Variants in MPHOSPH8 observed in about 807,000 individuals in gnomAD.
MPHOSPH8 encodes the protein M-phase phosphoprotein, mpp.
MPHOSPH8 carries 45 observed loss-of-function variants against 87.3 expected under a neutral mutation model. That is an observed-to-expected ratio of 0.52 (90% CI 0.41 to 0.66). The LOEUF (loss-of-function observed/expected upper bound fraction) is 0.66. MPHOSPH8 is among the 30% of genes least tolerant of loss of function. The pLI, the probability that MPHOSPH8 is intolerant of heterozygous loss-of-function variation, is 0.00. For missense variants in MPHOSPH8, 883 were observed against 1,020.2 expected (o/e 0.87, Z 1.83); for synonymous variants, 366 against 376.9 (o/e 0.97, Z 0.33).
At chr13:19,636,445 A>G (rs368300972) in intron 1 of MPHOSPH8, among the ~76,000 whole-genome samples, 3 of 152,156 alleles carry the variant, frequency 2.0e-5, no homozygotes, top group African/African-American at 7.2e-5. Flanking sequence ...TTGGGGTAAT[A>G]GAGTAAGCAG....
rs779353316 is a variant in MPHOSPH8 at position 19,650,104 on chromosome 13, G to A, written c.1420G>A (p.Asp474Asn). The A allele has an allele frequency of 5.6e-6, 9 of 1,613,802 alleles. No homozygotes were observed. Among genetic ancestry groups the A allele is most frequent in the Admixed American group, 1.7e-5 (1 of 59,950 alleles). ...TCGGAAAAGGGAAGAAATACCACTG[G>A]ATTTTAAAACCATAGACGATCACAA... ...NNRKREEIPL[D>N]FKTIDDHKTK... The change falls in exon 5 of 14, where the codon GAT becomes AAT. Residue 474 changes from aspartate to asparagine, a missense_variant. By Grantham distance (23) the Asp-to-Asn change is conservative. Coordinates refer to ENST00000361479, the MANE Select transcript of MPHOSPH8 (RefSeq NM_017520.4).
At position 19,666,310 on chromosome 13, in the gene MPHOSPH8, C is replaced by T. The variant is rs1259116467; in HGVS notation, c.2020-115C>T. The T allele has an allele frequency of 2.7e-6, 3 of 1,121,252 alleles. No individual in the cohort carries two copies. In the African/African-American group the frequency reaches 4.6e-5, roughly 17 times the overall value. 69.5% of individuals were successfully genotyped at this position (1,121,252 alleles called of 1,614,324 possible). ...CGGGCCCCAAAAGTTCTCTATCCTT[C>T]TTCCATGGCCTGTGCCCTCTCTTCA... is the stretch of plus-strand genomic sequence containing the variant. On this transcript the variant is annotated intron_variant, in intron 9 of 13. Transcript: ENST00000361479.
In MPHOSPH8 at chr13:19,642,143, A is replaced by G. The variant is rs1874328066; in HGVS notation, c.242A>G (p.Lys81Arg). 1 of 1,596,036 alleles carries G rather than the reference A, an allele frequency of 6.3e-7. No homozygotes were observed. The highest frequency in any genetic ancestry group is 1.4e-5 in the African/African-American group (1 of 73,524). ...AAAGTTCTTTACAAAGTTCGCTGGA[A>G]AGGCTATACATCGGATGATGATACC... ...GGKVLYKVRW[K>R]GYTSDDDTWE... Residue 81 changes from lysine (K) to arginine (R), a missense_variant, in exon 2 of 14, where the codon AAA (lysine) becomes AGA (arginine). Coordinates refer to ENST00000361479, the MANE Select transcript of MPHOSPH8 (RefSeq NM_017520.4).
At position 19,646,491 on chromosome 13, in the gene MPHOSPH8, C is replaced by T. The variant is rs1213195030; in HGVS notation, c.418C>T (p.Gln140Ter). The T allele has an allele frequency of 4.5e-6, 7 of 1,554,896 alleles. No individual in the cohort carries two copies. The highest frequency in any genetic ancestry group is 5.2e-6 in the Non-Finnish European group (6 of 1,162,180). Reference protein sequence around the residue: ...DIFEANSDSDQQSETKEDTSP... With the variant: ...DIFEANSDSD ...ATTTGAGGCGAACTCTGATAGCGAT[C>T]AGCAAAGTGAGACAAAAGAAGATAC... The change falls in exon 3 of 14, where the codon CAG (glutamine) becomes TAG (stop). Residue 140 changes from glutamine (Q) to a stop codon, truncating the protein, a stop_gained. Coordinates refer to ENST00000361479, the MANE Select transcript of MPHOSPH8 (RefSeq NM_017520.4). LOFTEE classifies it high-confidence loss of function.
At chr13:19,670,574 G>A (rs1335680238) in intron 12 of MPHOSPH8, among the ~76,000 whole-genome samples, 1 of 152,062 alleles carries the variant, frequency 6.6e-6, no homozygotes, top group East Asian at 1.9e-4. Flanking sequence ...GCCTTAAATT[G>A]TGCTCACCAT....
intron 12 of MPHOSPH8, chr13:19,670,859 T>G (rs1240875594): frequency 2.6e-6 from 3 of 1,159,664 alleles, no homozygotes; most frequent in Non-Finnish European, 2.3e-6. Flanking sequence ...CGCTCTGTTG[T>G]CCAGGCTGGA....
intron 8 of MPHOSPH8, 111 bp from the exon 9 acceptor site, chr13:19,662,929 T>C (rs1875624081): frequency 2.2e-6 from 2 of 912,874 alleles, no homozygotes; most frequent in Admixed American, 4.2e-5. Flanking sequence ...CGCAACCACT[T>C]GTGATAGAAC....
intron 4 of MPHOSPH8, 104 bp downstream of exon 4, chr13:19,648,625 T>C: frequency 2.3e-6 from 1 of 425,642 alleles, no homozygotes; most frequent in Non-Finnish European, 3.8e-6. Context: ...TTTTTTTCCT[T>C]ATTTTCACCT....
chr13:19,657,673 A>G (rs914368617), intron 5 of MPHOSPH8, among the ~76,000 whole-genome samples: 7 of 152,160 alleles, frequency 4.6e-5, no homozygotes, highest in African/African-American at 1.7e-4. Context: ...AGAGACCACA[A>G]TCTGAGCTGC....
chr13:19,658,220 T>A (rs1875305572), intron 5 of MPHOSPH8, among the ~76,000 whole-genome samples: 2 of 152,242 alleles, frequency 1.3e-5, no homozygotes, highest in African/African-American at 4.8e-5. Context: ...TTTTTTTCTG[T>A]GGCCAGGCCA....
intron 1 of MPHOSPH8, among the ~76,000 whole-genome samples, chr13:19,638,456 AC>A (rs768075950): frequency 6.6e-6 from 1 of 151,466 alleles, no homozygotes; most frequent in Non-Finnish European, 1.5e-5. Flanking sequence ...CTACTAAAAT[AC>A]AAAAAATTAG....
chr13:19,647,917 T>G (rs1215568241), intron 3 of MPHOSPH8, among the ~76,000 whole-genome samples: 1 of 152,176 alleles, frequency 6.6e-6, no homozygotes, highest in Non-Finnish European at 1.5e-5. Flanking sequence ...TAGTTATTTA[T>G]GGCAGTATTA....
At chr13:19,662,239 G>A (rs1293723299) in intron 8 of MPHOSPH8, among the ~76,000 whole-genome samples, 1 of 152,160 alleles carries the variant, frequency 6.6e-6, no homozygotes, top group African/African-American at 2.4e-5. Flanking sequence ...GCGCCTGGCT[G>A]TCACACGGTC....
intron 2 of MPHOSPH8, among the ~76,000 whole-genome samples, chr13:19,645,377 G>C (rs1874513134): frequency 1.3e-5 from 2 of 152,144 alleles, no homozygotes; most frequent in African/African-American, 4.8e-5. Flanking sequence ...TTTTTTATGA[G>C]GTGATTCAGG....
In MPHOSPH8 at chr13:19,671,689, G is replaced by T. The variant is rs1465784843; in HGVS notation, c.2542-145G>T. ...TGGAATTATTTCTTGAATTAAAATGGCAATGATCTAACAATGTAAATTGAT... is the reference window on the plus strand; with the variant it reads ...TGGAATTATTTCTTGAATTAAAATGTCAATGATCTAACAATGTAAATTGAT... On this transcript the variant is annotated intron_variant, in intron 13 of 13. Coordinates refer to ENST00000361479, the MANE Select transcript of MPHOSPH8 (RefSeq NM_017520.4). 1.2e-5 allele frequency: 8 copies of T among 667,748 alleles called. No homozygotes were observed. In the Admixed American group the frequency reaches 2.2e-4, roughly 18 times the overall value. 41.4% of individuals were successfully genotyped at this position (667,748 alleles called of 1,614,324 possible).
chr13:19,659,418 C>G, intron 7 of MPHOSPH8, 129 bp downstream of exon 7: 2 of 739,292 alleles, frequency 2.7e-6, no homozygotes, highest in South Asian at 3.8e-5. Flanking sequence ...AATCCCAGCA[C>G]TTTGGGAGGC....
At chr13:19,648,730 A>G (rs1874697588) in intron 4 of MPHOSPH8, among the ~76,000 whole-genome samples, 1 of 151,762 alleles carries the variant, frequency 6.6e-6, no homozygotes, top group Non-Finnish European at 1.5e-5. Flanking sequence ...TTATAGCAAG[A>G]TGCTAAATTT....
intron 5 of MPHOSPH8, among the ~76,000 whole-genome samples, chr13:19,651,400 A>C (rs1338656107): frequency 1.3e-5 from 2 of 151,900 alleles, no homozygotes. Context: ...GGCAGTGTGC[A>C]CCTGTATTCC....
intron 5 of MPHOSPH8, among the ~76,000 whole-genome samples, chr13:19,657,517 G>A (rs949897004): frequency 4.6e-5 from 7 of 151,320 alleles, no homozygotes; most frequent in African/African-American, 1.2e-4. Flanking sequence ...GCAGTGAGCC[G>A]AGATGGCGCC....
Sources: allele counts gnomAD v4.1 joint callset (sites outside exome capture counted in the v4.1 genomes callset), GRCh38; gene constraint gnomAD v4.1.1; transcripts MANE v1.5; gene names NCBI Gene and HGNC (gene_info 2026-07-23, HGNC 2026-07-21).